DOCK10: variants seen among roughly 807,000 people sequenced by gnomAD.
DOCK10 encodes dedicator of cytokinesis 10.
DOCK10 carries 145 observed loss-of-function variants against 280.1 expected under a neutral mutation model. The ratio of observed to expected loss-of-function variants is 0.52; its 90% CI spans 0.45 to 0.59. The LOEUF is 0.59. Among genes scored for constraint, DOCK10 ranks in the 20% least tolerant of loss-of-function variants. The pLI is 0.00. For missense variants in DOCK10, 2,368 were observed against 2,651.7 expected (o/e 0.89, Z 2.35); for synonymous variants, 915 against 942.2 (o/e 0.97, Z 0.53).
At chr2:224,812,622 T>C (rs1338834619) in intron 31 of DOCK10, among the ~76,000 whole-genome samples, 1 of 152,160 alleles carries the variant, frequency 6.6e-6, no homozygotes, top group African/African-American at 2.4e-5. Context: ...TGGCTGTGGG[T>C]TTGTCATAGT....
chr2:224,778,275 CA>C lies in DOCK10; in HGVS notation c.5664del (p.Phe1888LeufsTer16). The C allele has an allele frequency of 6.2e-7, 1 of 1,600,846 alleles. No individual in the cohort carries two copies. Among genetic ancestry groups the C allele is most frequent in the South Asian group, 1.1e-5 (1 of 89,060 alleles). On this transcript the variant is annotated frameshift_variant, in exon 51 of 56. Transcript: ENST00000258390. LOFTEE classifies it high-confidence loss of function. Reference sequence around the variant, plus strand: ...ATATACTCTTTACCTTCTTCTTCTTCAAAAAAGCCCTATGGAACATAATGAA... The same window carrying C: ...ATATACTCTTTACCTTCTTCTTCTTCAAAAAGCCCTATGGAACATAATGAA... ...YRVAFYGQGF[F>X]EEEEGKEYIY...
intron 1 of DOCK10, among the ~76,000 whole-genome samples, chr2:225,018,754 C>CAT (rs60095437): frequency 0.67 from 50,995 of 76,398 alleles, 18,304 homozygotes; most frequent in South Asian, 0.81. Flanking sequence ...TACACATACA[C>CAT]ATATGTGTAT....
intron 21 of DOCK10, 66 bp from the exon 22 acceptor site, chr2:224,844,905 T>A: frequency 8.6e-7 from 1 of 1,169,258 alleles, no homozygotes. Context: ...ATAGATTGTT[T>A]AGTTTATGTT....
At chr2:224,991,459 CATT>C (rs1027230328) in intron 1 of DOCK10, among the ~76,000 whole-genome samples, 22 of 152,154 alleles carry the variant, frequency 1.4e-4, no homozygotes, top group African/African-American at 4.6e-4. Context: ...TCACCATTAT[CATT>C]ATTACAACTA....
At chr2:224,922,276 G>T (rs1701805629) in intron 2 of DOCK10, among the ~76,000 whole-genome samples, 1 of 152,146 alleles carries the variant, frequency 6.6e-6, no homozygotes, top group African/African-American at 2.4e-5. Flanking sequence ...ATCATATTTG[G>T]TAAGGGTTTT....
chr2:225,037,533 A>G (rs1690294022), intron 1 of DOCK10, among the ~76,000 whole-genome samples: 1 of 152,206 alleles, frequency 6.6e-6, no homozygotes, highest in Non-Finnish European at 1.5e-5. Context: ...CCAGTTTTCT[A>G]TTCAAAATGC....
At chr2:224,872,924 A>G (rs1229426035) in intron 11 of DOCK10, among the ~76,000 whole-genome samples, 3 of 151,946 alleles carry the variant, frequency 2.0e-5, no homozygotes, top group Non-Finnish European at 4.4e-5. Flanking sequence ...CAAGATTGAT[A>G]TAGAATTATG....
chr2:224,867,338 A>G (rs1458975042), intron 11 of DOCK10, among the ~76,000 whole-genome samples: 3 of 152,098 alleles, frequency 2.0e-5, no homozygotes, highest in South Asian at 2.1e-4. Context: ...TCTCCCAACC[A>G]TATCAGCCAT....
In DOCK10 at chr2:224,864,886, A is replaced by T; in HGVS notation, c.1459T>A (p.Trp487Arg). Reference protein sequence around the residue: ...EPHIKGLPEEWLKFPKQAVFS... With the variant: ...EPHIKGLPEERLKFPKQAVFS... ...GCCACCTGCTTTGGAAATTTTAGCCATTCCTCTGGAAGTCCCTTGATGTGA... is the reference window on the plus strand; with the variant it reads ...GCCACCTGCTTTGGAAATTTTAGCCTTTCCTCTGGAAGTCCCTTGATGTGA... The change falls in exon 12 of 56, where the codon TGG becomes AGG. Residue 487 changes from tryptophan to arginine, a missense_variant. Trp to Arg is a moderately radical substitution (Grantham distance 101, BLOSUM62 -3). Transcript: ENST00000258390. 2.5e-6 allele frequency: 4 copies of T among 1,613,978 alleles called. No individual in the cohort carries two copies. The highest frequency in any genetic ancestry group is 3.4e-6 in the Non-Finnish European group (4 of 1,179,882).
chr2:224,852,904 AAAGAT>A (rs1160012007), intron 17 of DOCK10, 26 bp downstream of exon 17: 1 of 1,515,452 alleles, frequency 6.6e-7, no homozygotes, highest in South Asian at 1.3e-5. Context: ...GGTGAAAAGA[AAAGAT>A]GATATCTCTG....
intron 1 of DOCK10, among the ~76,000 whole-genome samples, chr2:224,961,379 A>AT (rs1333097953): frequency 1.4e-5 from 2 of 142,592 alleles, no homozygotes; most frequent in Non-Finnish European, 3.1e-5. Context: ...TCCCATGCTT[A>AT]TTTTTGCATA....
At chr2:224,982,527 T>G (rs1705803845) in intron 1 of DOCK10, 1 of 1,222,206 alleles carries the variant, frequency 8.2e-7, no homozygotes, top group South Asian at 4.3e-5. Flanking sequence ...CCAAATAGCT[T>G]GGATGCAGAG....
At chr2:224,972,395 T>G (rs2126213420) in intron 1 of DOCK10, among the ~76,000 whole-genome samples, 1 of 152,372 alleles carries the variant, frequency 6.6e-6, no homozygotes, top group African/African-American at 2.4e-5. Context: ...AACAGATTCC[T>G]ACTTTCTACC....
chr2:224,837,506 T>G (rs1038059737), intron 25 of DOCK10, among the ~76,000 whole-genome samples: 2 of 152,256 alleles, frequency 1.3e-5, no homozygotes, highest in Admixed American at 1.3e-4. Flanking sequence ...AGTTTTCTCC[T>G]CTATCTTTTT....
In DOCK10 at chr2:224,864,642, T is replaced by C; in HGVS notation, c.1513A>G (p.Ile505Val). The change falls in exon 13 of 56, where the codon ATT becomes GTT. Residue 505 changes from isoleucine to valine, a missense_variant. Physicochemically the swap from Ile to Val is conservative, Grantham distance 29 (BLOSUM62 3). Around this residue, in one of 2 missense-constraint regions of DOCK10, gnomAD observed 1,209 missense variants for 1,250.9 expected, o/e 0.97. Transcript: ENST00000258390. ...VFSVSNPHSE[I>V]VLVAKIEKVL... is the part of the protein sequence containing the mutation. ...TTTTCGATTTTGGCCACCAAAACAA[T>C]TTCAGAATGTGGATTGCTTACAGAA... is the stretch of plus-strand genomic sequence containing the variant. 1 of 1,613,456 alleles carries C rather than the reference T, an allele frequency of 6.2e-7. No homozygotes were observed. Among genetic ancestry groups the C allele is most frequent in the Non-Finnish European group, 8.5e-7 (1 of 1,179,768 alleles).
At chr2:224,784,733 T>G in intron 50 of DOCK10, 1 of 1,289,780 alleles carries the variant, frequency 7.8e-7, no homozygotes, top group South Asian at 1.2e-5. Context: ...GAGTGAGAAC[T>G]TACCACAGCC....
At chr2:224,993,244 A>G (rs1425432199) in intron 1 of DOCK10, among the ~76,000 whole-genome samples, 4 of 146,460 alleles carry the variant, frequency 2.7e-5, no homozygotes, top group Non-Finnish European at 6.0e-5. Context: ...TGAATTTACC[A>G]TTTCCTGGAT....
intron 1 of DOCK10, among the ~76,000 whole-genome samples, chr2:224,979,649 C>A (rs59325566): frequency 6.6e-6 from 1 of 152,212 alleles, no homozygotes; most frequent in Non-Finnish European, 1.5e-5. Context: ...AGGCATTTCC[C>A]TGCTGAAAGT....
At position 224,986,339 on chromosome 2, in the gene DOCK10, C is replaced by T. The variant is rs141815158; in HGVS notation, c.124-54671G>A. Among the ~76,000 whole-genome samples, 1,447 of 152,300 alleles carry T rather than the reference C, an allele frequency of 9.5e-3. 9 individuals are homozygous for T. Among genetic ancestry groups the T allele is most frequent in the Non-Finnish European group, 0.016 (1,077 of 68,026 alleles). On this transcript the variant is annotated intron_variant, in intron 1 of 55. Coordinates refer to ENST00000258390, the MANE Select transcript of DOCK10 (RefSeq NM_014689.3). Reference sequence around the variant, plus strand: ...GATGCTATGCAGCTTGGTTTCATTGCTTCACACACTGTGAGTTTCTGGTGG... The same window carrying T: ...GATGCTATGCAGCTTGGTTTCATTGTTTCACACACTGTGAGTTTCTGGTGG...
Sources: allele counts gnomAD v4.1 joint callset (sites outside exome capture counted in the v4.1 genomes callset), GRCh38; gene constraint gnomAD v4.1.1; regional missense constraint gnomAD v4.1.1; transcripts MANE v1.5; gene names NCBI Gene and HGNC (gene_info 2026-07-23, HGNC 2026-07-21).